DYRK1A: variants seen among roughly 807,000 people sequenced by gnomAD.
The protein encoded by DYRK1A is dual specificity tyrosine-phosphorylation-regulated kinase 1A.
Under a neutral mutation model 79.7 loss-of-function variants are expected in DYRK1A, and 9 were observed. The ratio of observed to expected loss-of-function variants is 0.11; its 90% confidence interval spans 0.07 to 0.20. The LOEUF is 0.20. Ranked by LOEUF, DYRK1A falls within the 10% of genes least tolerant of loss-of-function variation. The pLI is 1.00. For synonymous variants in DYRK1A, 349 were observed against 329.7 expected, an observed-to-expected ratio of 1.06 and a Z score of -0.63; for missense variants, 622 against 956.0, an observed-to-expected ratio of 0.65 and a Z score of 4.61.
chr21:37,465,321 A>T (rs1210906578), intron 2 of DYRK1A, among the ~76,000 whole-genome samples: 1 of 152,240 alleles, frequency 6.6e-6, no homozygotes, highest in African/African-American at 2.4e-5. Flanking sequence ...TATCACCGTT[A>T]TGCATGGGAA....
chr21:37,459,935 T>C (rs908046835), intron 2 of DYRK1A, among the ~76,000 whole-genome samples: 5 of 152,162 alleles, frequency 3.3e-5, no homozygotes, highest in African/African-American at 7.2e-5. Context: ...TTCATAAATA[T>C]TTGGGAGCAT....
chr21:37,377,180 C>T (rs753147613), intron 1 of DYRK1A, among the ~76,000 whole-genome samples: 11 of 152,154 alleles, frequency 7.2e-5, no homozygotes, highest in African/African-American at 1.2e-4. Flanking sequence ...AGTGCAGTGG[C>T]GCAATCTCGG....
intron 2 of DYRK1A, among the ~76,000 whole-genome samples, chr21:37,462,027 C>G (rs1019276917): frequency 6.6e-6 from 1 of 151,800 alleles, no homozygotes; most frequent in African/African-American, 2.4e-5. Context: ...CCATTTAGTT[C>G]CTTTTCGTAG....
intron 3 of DYRK1A, among the ~76,000 whole-genome samples, chr21:37,477,182 T>A (rs1347273253): frequency 6.6e-6 from 1 of 152,178 alleles, no homozygotes; most frequent in Non-Finnish European, 1.5e-5. Flanking sequence ...TTACTGTCAC[T>A]CTGCCCCTCC....
intron 1 of DYRK1A, among the ~76,000 whole-genome samples, chr21:37,377,103 G>T (rs2049559800): frequency 6.6e-6 from 1 of 152,036 alleles, no homozygotes; most frequent in Non-Finnish European, 1.5e-5. Context: ...ACACAGTTTT[G>T]CAACTTAAGC....
intron 1 of DYRK1A, among the ~76,000 whole-genome samples, chr21:37,369,359 G>A (rs55752073): frequency 0.086 from 13,127 of 152,216 alleles, 714 homozygotes; most frequent in Non-Finnish European, 0.11. Flanking sequence ...AAGGTTTTAA[G>A]CTGCAGAAGA....
chr21:37,526,136 G>A lies in DYRK1A; in HGVS notation c.*13605G>A, dbSNP rs1294723438. On this transcript the variant is annotated 3_prime_UTR_variant, in exon 12 of 12. Coordinates refer to ENST00000647188, the MANE Select transcript of DYRK1A (RefSeq NM_001347721.2). ...AAGAGCTCCATTCCCACACACATTT[G>A]CCACAGATACATTATCTGAGCCCAA... is the stretch of plus-strand genomic sequence containing the variant. 1 of 152,120 alleles carries A rather than the reference G, an allele frequency of 6.6e-6. No homozygotes were observed. Among genetic ancestry groups the A allele is most frequent in the East Asian group, 1.9e-4 (1 of 5,192 alleles). 9.4% of individuals were successfully genotyped at this position (152,120 alleles called of 1,614,324 possible). A position where few individuals can be genotyped will look rare whatever the true frequency, so the allele number is the denominator to read the frequency against.
intron 1 of DYRK1A, among the ~76,000 whole-genome samples, chr21:37,409,266 A>G (rs1467620146): frequency 6.6e-6 from 1 of 152,176 alleles, no homozygotes; most frequent in Non-Finnish European, 1.5e-5. Context: ...CACTGTTTTA[A>G]ATGGTTTACA....
At chr21:37,391,701 A>G (rs966974256) in intron 1 of DYRK1A, among the ~76,000 whole-genome samples, 1 of 152,202 alleles carries the variant, frequency 6.6e-6, no homozygotes, top group Non-Finnish European at 1.5e-5. Context: ...TTATTAAACT[A>G]TTCAGATTCT....
At chr21:37,416,197 A>G (rs941666039) in intron 1 of DYRK1A, among the ~76,000 whole-genome samples, 2 of 152,162 alleles carry the variant, frequency 1.3e-5, no homozygotes, top group African/African-American at 4.8e-5. Flanking sequence ...CGTCTATAAA[A>G]TGCCTTAGCC....
chr21:37,450,958 A>G (rs1137600), intron 2 of DYRK1A, among the ~76,000 whole-genome samples: 45,538 of 152,036 alleles, frequency 0.3, 6,937 homozygotes, highest in South Asian at 0.38. Flanking sequence ...CTAAGACTGT[A>G]ATGAAGCTAC....
chr21:37,401,848 G>C (rs188023006), intron 1 of DYRK1A, among the ~76,000 whole-genome samples: 8 of 152,044 alleles, frequency 5.3e-5, no homozygotes, highest in Admixed American at 2.0e-4. Flanking sequence ...TGTATCTTTC[G>C]CAATTACTGT....
At chr21:37,449,690 C>G (rs1029661295) in intron 2 of DYRK1A, among the ~76,000 whole-genome samples, 2 of 152,202 alleles carry the variant, frequency 1.3e-5, no homozygotes, top group South Asian at 4.1e-4. Context: ...ATTGACTTCT[C>G]TGTGAGCTAC....
At chr21:37,479,619 G>GTTTTTTTTTTTTTTTTTGTTTTTTT (rs2052555193) in intron 4 of DYRK1A, among the ~76,000 whole-genome samples, 1 of 73,890 alleles carries the variant, frequency 1.4e-5, no homozygotes, top group Non-Finnish European at 2.3e-5. Flanking sequence ...TTTGTTTTTT[G>GTTTTTTTTTTTTTTTTTGTTTTTTT]TTTTTTTTTT....
chr21:37,456,694 C>T (rs1169213463), intron 2 of DYRK1A, among the ~76,000 whole-genome samples: 1 of 152,162 alleles, frequency 6.6e-6, no homozygotes, highest in African/African-American at 2.4e-5. Context: ...GGCGCGGGCC[C>T]ACCTACCTCT....
At chr21:37,464,836 T>C (rs1394839438) in intron 2 of DYRK1A, among the ~76,000 whole-genome samples, 1 of 152,198 alleles carries the variant, frequency 6.6e-6, no homozygotes, top group East Asian at 1.9e-4. Flanking sequence ...CATTAACATT[T>C]GCATTAAAAT....
intron 2 of DYRK1A, among the ~76,000 whole-genome samples, chr21:37,463,817 C>A (rs1239770322): frequency 6.6e-6 from 1 of 152,154 alleles, no homozygotes; most frequent in Admixed American, 6.5e-5. Context: ...TGGGTTTTTG[C>A]CCACATAAGC....
At chr21:37,500,782 A>G in intron 9 of DYRK1A, among the ~76,000 whole-genome samples, 1 of 151,886 alleles carries the variant, frequency 6.6e-6, no homozygotes, top group South Asian at 2.1e-4. Flanking sequence ...TTTTTTTTTA[A>G]TATCTAGAGA....
chr21:37,520,958 T>C lies in DYRK1A; in HGVS notation c.*8427T>C, dbSNP rs1464981899. ...TGGGATTCTTACCTTCTGACTGGAG[T>C]GTCACCCTCGCCCAGGAATGTGGGT... is the stretch of plus-strand genomic sequence containing the variant. On this transcript the variant is annotated 3_prime_UTR_variant, in exon 12 of 12. Transcript: ENST00000647188. The C allele has an allele frequency of 1.3e-5, 2 of 152,260 alleles. No homozygotes were observed. The highest frequency in any genetic ancestry group is 4.8e-5 in the African/African-American group (2 of 41,444). 9.4% of individuals were successfully genotyped at this position (152,260 alleles called of 1,614,324 possible).
Sources: allele counts gnomAD v4.1 joint callset (sites outside exome capture counted in the v4.1 genomes callset), GRCh38; gene constraint gnomAD v4.1.1; transcripts MANE v1.5; gene names NCBI Gene and HGNC (gene_info 2026-07-23, HGNC 2026-07-21).